DSG4: variants seen among roughly 807,000 people sequenced by gnomAD.
DSG4 encodes desmoglein 4.
DSG4 carries 87 observed loss-of-function variants against 93.1 expected under a neutral mutation model. The ratio of observed to expected loss-of-function variants is 0.93; its 90% CI spans 0.79 to 1.12. The LOEUF is 1.12. DSG4 is among the 50% of genes most tolerant of loss of function. DSG4 has a pLI of 0.00. For missense variants in DSG4, 1,373 were observed against 1,285.7 expected (o/e 1.07, Z -1.04); for synonymous variants, 432 against 452.9 (o/e 0.95, Z 0.59).
rs79508827 is a variant in DSG4, at chr18:31,400,858, C to T, written c.1278-23C>T. 3,648 of 1,609,474 alleles carry T rather than the reference C, an allele frequency of 2.3e-3. 61 individuals are homozygous for T. The East Asian group carries it at 0.03, about 13-fold the overall frequency. ...ACTAACTTTCATAAAAGCATGATAA[C>T]GAACTTTTTTATTTAAAAACAGATA... On this transcript the variant is annotated intron_variant, in intron 9 of 15. Transcript: ENST00000308128.
intron 12 of DSG4, among the ~76,000 whole-genome samples, chr18:31,408,241 A>G (rs557067127): frequency 2.4e-4 from 37 of 152,354 alleles, no homozygotes; most frequent in African/African-American, 8.9e-4. Context: ...TTACACATAC[A>G]GTAATTGTAT....
chr18:31,406,781 C>A (rs1454007942), intron 12 of DSG4, among the ~76,000 whole-genome samples: 3 of 149,896 alleles, frequency 2.0e-5, no homozygotes, highest in Non-Finnish European at 4.4e-5. Context: ...TTCTTTTTTT[C>A]TTTTTCTTTT....
At chr18:31,377,986 G>A (rs1381339369) in intron 1 of DSG4, among the ~76,000 whole-genome samples, 1 of 152,148 alleles carries the variant, frequency 6.6e-6, no homozygotes, top group Non-Finnish European at 1.5e-5. Flanking sequence ...GGGAGAGATG[G>A]GAGCACGTCA....
intron 14 of DSG4, among the ~76,000 whole-genome samples, chr18:31,410,596 C>A (rs2072476487): frequency 6.6e-6 from 1 of 152,072 alleles, no homozygotes; most frequent in Admixed American, 6.6e-5. Context: ...TTCAGACAAG[C>A]TTTTGCCTCA....
At chr18:31,411,042 T>C in intron 14 of DSG4, 189 bp from the exon 15 acceptor site, 1 of 1,489,816 alleles carries the variant, frequency 6.7e-7, no homozygotes, top group African/African-American at 1.4e-5. Flanking sequence ...CTCTGTGTAA[T>C]TAATTTACTT....
Position 31,388,433 on chromosome 18 carries a change from C to A in DSG4, c.283C>A (p.Pro95Thr), listed in dbSNP as rs750739975. ...GATTTCTGGAGTAGGGATTGATCGA[C>A]CACCATATGGGGTATTCACCATTAA... is the stretch of plus-strand genomic sequence containing the variant. ...YRISGVGIDRPPYGVFTINPR... is the reference protein window; with the variant it reads ...YRISGVGIDRTPYGVFTINPR... The change falls in exon 4 of 16, where the codon CCA (proline) becomes ACA (threonine). Residue 95 changes from proline to threonine, a missense_variant. Physicochemically the swap from Pro to Thr is conservative, Grantham distance 38. Coordinates refer to ENST00000308128, the MANE Select transcript of DSG4 (RefSeq NM_177986.5). 6.2e-7 allele frequency: 1 copy of A among 1,613,556 alleles called. No homozygotes were observed. Among genetic ancestry groups the A allele is most frequent in the East Asian group, 2.2e-5 (1 of 44,852 alleles).
chr18:31,390,486 A>ATTTT (rs1468644472), intron 5 of DSG4, among the ~76,000 whole-genome samples, 170 bp from the exon 6 acceptor site: 4 of 151,918 alleles, frequency 2.6e-5, no homozygotes, highest in African/African-American at 9.7e-5. Context: ...AGCAAACCAC[A>ATTTT]TTTTTTTTAA....
chr18:31,394,244 A>T (rs1221724157), intron 8 of DSG4, among the ~76,000 whole-genome samples: 1 of 152,094 alleles, frequency 6.6e-6, no homozygotes, highest in Non-Finnish European at 1.5e-5. Context: ...TTCAATTCCT[A>T]CTTATAGACC....
intron 14 of DSG4, chr18:31,410,969 C>T (rs894556880): frequency 2.5e-5 from 25 of 1,009,084 alleles, no homozygotes; most frequent in Middle Eastern, 6.4e-4. Flanking sequence ...GCTAGTTCTA[C>T]ACCTTTAAGT....
At chr18:31,402,895 A>G (rs1234582493) in intron 10 of DSG4, among the ~76,000 whole-genome samples, 2 of 152,204 alleles carry the variant, frequency 1.3e-5, no homozygotes, top group Non-Finnish European at 2.9e-5. Context: ...TTCAGAAAGA[A>G]ATAGCATGTA....
chr18:31,399,716 G>A (rs1240224186), intron 9 of DSG4, among the ~76,000 whole-genome samples, 173 bp downstream of exon 9: 1 of 152,132 alleles, frequency 6.6e-6, no homozygotes, highest in African/African-American at 2.4e-5. Context: ...GTGTTTTAGA[G>A]GCTTCAATAA....
chr18:31,409,645 A>T, intron 13 of DSG4, 54 bp downstream of exon 13: 7 of 1,614,202 alleles, frequency 4.3e-6, no homozygotes, highest in Non-Finnish European at 5.9e-6. Context: ...GAAATTGAGC[A>T]TGTCTTAACA....
At chr18:31,390,413 C>A (rs1461600413) in intron 5 of DSG4, among the ~76,000 whole-genome samples, 1 of 152,046 alleles carries the variant, frequency 6.6e-6, no homozygotes, top group Non-Finnish European at 1.5e-5. Flanking sequence ...TGTTTAGCCA[C>A]TAATTTAGTA....
At position 31,399,132 on chromosome 18, in the gene DSG4, A is replaced by T. The variant is rs553683954; in HGVS notation, c.1006-140A>T. ...TAAGATACCTAATGCAGTAATAAGTAAAATTTTTTTCAATTCAAAATCTAA... is the reference window on the plus strand; with the variant it reads ...TAAGATACCTAATGCAGTAATAAGTTAAATTTTTTTCAATTCAAAATCTAA... On this transcript the variant is annotated intron_variant, in intron 8 of 15. Coordinates refer to ENST00000308128, the MANE Select transcript of DSG4 (RefSeq NM_177986.5). The T allele has an allele frequency of 5.0e-5, 53 of 1,058,470 alleles. No individual in the cohort carries two copies. The East Asian group carries it at 7.1e-4, about 14-fold the overall frequency. 65.6% of individuals were successfully genotyped at this position (1,058,470 alleles called of 1,614,324 possible).
intron 3 of DSG4, 104 bp downstream of exon 3, chr18:31,386,923 GACA>G: frequency 1.3e-6 from 2 of 1,560,382 alleles, no homozygotes; most frequent in Non-Finnish European, 8.8e-7. Context: ...TATTTAAGAA[GACA>G]GAATGTGGTC....
chr18:31,388,268 G>T, intron 3 of DSG4, 99 bp from the exon 4 acceptor site: 1 of 1,378,852 alleles, frequency 7.3e-7, no homozygotes, highest in Non-Finnish European at 1.0e-6. Flanking sequence ...TCAATCCAAA[G>T]CCCATTTGGT....
Position 31,411,321 on chromosome 18 carries a change from G to A in DSG4, c.2228G>A (p.Gly743Asp). ...AACACAGGTATGGGGACAGCCGTTG[G>A]CCTCATGGCCGCAGGGGCCGCAGGA... ...ELNTGMGTAV[G>D]LMAAGAAGAS... is the part of the protein sequence containing the mutation. The change falls in exon 15 of 16, where the codon GGC becomes GAC. Residue 743 changes from glycine (G) to aspartate (D), a missense_variant. Coordinates refer to ENST00000308128, the MANE Select transcript of DSG4 (RefSeq NM_177986.5). 5 of 1,611,802 alleles carry A rather than the reference G, an allele frequency of 3.1e-6. No homozygotes were observed. Among genetic ancestry groups the A allele is most frequent in the Non-Finnish European group, 4.2e-6 (5 of 1,179,946 alleles).
At chr18:31,405,059 G>A (rs74364504) in intron 11 of DSG4, among the ~76,000 whole-genome samples, 2,704 of 152,220 alleles carry the variant, frequency 0.018, 75 homozygotes, top group African/African-American at 0.061. Context: ...TTTTTACCTT[G>A]TGCACAGGTT....
At position 31,413,843 on chromosome 18, in the gene DSG4, C is replaced by A; in HGVS notation, c.*248C>A. The A allele has an allele frequency of 2.2e-6, 1 of 464,964 alleles. No individual in the cohort carries two copies. 28.8% of individuals were successfully genotyped at this position (464,964 alleles called of 1,614,324 possible). A position where few individuals can be genotyped will look rare whatever the true frequency, so the allele number is the denominator to read the frequency against. ...AATGTGCAGAAAATGTATTGCATCC[C>A]TTGATACTGTCTAACGAATAGCACA... On this transcript the variant is annotated 3_prime_UTR_variant, in exon 16 of 16. Transcript: ENST00000308128.
Sources: allele counts gnomAD v4.1 joint callset (sites outside exome capture counted in the v4.1 genomes callset), GRCh38; gene constraint gnomAD v4.1.1; transcripts MANE v1.5; gene names NCBI Gene and HGNC (gene_info 2026-07-23, HGNC 2026-07-21).